Variants in FGF14 observed in about 807,000 individuals in gnomAD.
FGF14 encodes the protein fibroblast growth factor 14.
Under a neutral mutation model 25.5 loss-of-function variants are expected in FGF14, and 5 were observed. That is an observed-to-expected ratio of 0.20 (90% confidence interval 0.10 to 0.41). The LOEUF (loss-of-function observed/expected upper bound fraction) is 0.41, where lower values mean the gene tolerates loss of function less well. FGF14 is among the 10% of genes least tolerant of loss of function. FGF14 has a pLI of 1.00. For missense variants in FGF14, 222 were observed against 320.1 expected (o/e 0.69, Z 2.34); for synonymous variants, 138 against 118.3 (o/e 1.17, Z -1.08).
chr13:101,944,718 A>T (rs2035694620), intron 1 of FGF14, among the ~76,000 whole-genome samples: 1 of 152,212 alleles, frequency 6.6e-6, no homozygotes, highest in South Asian at 2.1e-4. Context: ...AAAGAAAGGA[A>T]ATTCTGACTC....
At chr13:101,910,043 G>T (rs11841336) in intron 1 of FGF14, among the ~76,000 whole-genome samples, 3,092 of 151,770 alleles carry the variant, frequency 0.02, 120 homozygotes, top group African/African-American at 0.07. Context: ...AATTGAACAA[G>T]GAGAACACAT....
At chr13:102,115,288 C>G (rs896329552) in intron 1 of FGF14, among the ~76,000 whole-genome samples, 3 of 152,190 alleles carry the variant, frequency 2.0e-5, no homozygotes, top group Admixed American at 6.5e-5. Flanking sequence ...TCCCCACCCT[C>G]TCTGTGCTTA....
At chr13:102,217,952 T>TA (rs1005997635) in intron 1 of FGF14, among the ~76,000 whole-genome samples, 6 of 151,948 alleles carry the variant, frequency 3.9e-5, no homozygotes, top group South Asian at 2.1e-4. Flanking sequence ...TATTGCACAG[T>TA]AAAAAAAATA....
At chr13:101,923,264 T>G (rs1456219945) in intron 1 of FGF14, among the ~76,000 whole-genome samples, 1 of 152,076 alleles carries the variant, frequency 6.6e-6, no homozygotes, top group East Asian at 1.9e-4. Context: ...TCTCCAAAAT[T>G]AAAGATAAAA....
chr13:101,975,618 CA>C (rs5806262), intron 1 of FGF14, among the ~76,000 whole-genome samples: 51,874 of 151,808 alleles, frequency 0.34, 9,422 homozygotes, highest in East Asian at 0.71. Flanking sequence ...TGAGTTACAT[CA>C]AAAATATTTG....
At chr13:102,377,134 TAGTC>T (rs1372999809) in intron 1 of FGF14, among the ~76,000 whole-genome samples, 1 of 151,704 alleles carries the variant, frequency 6.6e-6, no homozygotes, top group African/African-American at 2.4e-5. Context: ...GAGCACAAAG[TAGTC>T]AGGTAGGAAT....
At chr13:102,135,889 C>CA (rs1468452507) in intron 1 of FGF14, among the ~76,000 whole-genome samples, 1 of 152,136 alleles carries the variant, frequency 6.6e-6, no homozygotes, top group African/African-American at 2.4e-5. Flanking sequence ...ATCCTGACCT[C>CA]AAGTGATCTA....
At chr13:102,053,086 T>C (rs77657652) in intron 1 of FGF14, among the ~76,000 whole-genome samples, 2,741 of 151,798 alleles carry the variant, frequency 0.018, 43 homozygotes, top group Non-Finnish European at 0.027. Flanking sequence ...GTAAGGAATC[T>C]TGGCAAAACA....
intron 1 of FGF14, among the ~76,000 whole-genome samples, chr13:101,908,887 A>T (rs1281211714): frequency 6.6e-6 from 1 of 152,220 alleles, no homozygotes; most frequent in Admixed American, 6.5e-5. Flanking sequence ...TGGTACCAAA[A>T]CAGAGATATA....
intron 1 of FGF14, among the ~76,000 whole-genome samples, chr13:102,137,479 T>C (rs1443389295): frequency 6.6e-6 from 1 of 152,156 alleles, no homozygotes; most frequent in African/African-American, 2.4e-5. Context: ...GTGTCCCAAA[T>C]AAGTCTGGAC....
intron 1 of FGF14, among the ~76,000 whole-genome samples, chr13:102,083,730 C>G (rs1368908523): frequency 6.6e-6 from 1 of 152,198 alleles, no homozygotes; most frequent in Non-Finnish European, 1.5e-5. Context: ...TAAAACTAAA[C>G]TGTAAGCCAA....
intron 1 of FGF14, among the ~76,000 whole-genome samples, chr13:102,165,657 G>T (rs2140635419): frequency 1.9e-4 from 2 of 10,550 alleles, no homozygotes; most frequent in Admixed American, 2.5e-3. Flanking sequence ...ACATACTGGG[G>T]CCTGTTGTGG....
chr13:101,848,647 G>A (rs1237533556), intron 3 of FGF14, among the ~76,000 whole-genome samples: 2 of 151,858 alleles, frequency 1.3e-5, no homozygotes, highest in Non-Finnish European at 2.9e-5. Flanking sequence ...ACTCTGGGCT[G>A]GAATAATAGT....
intron 3 of FGF14, among the ~76,000 whole-genome samples, chr13:101,838,141 A>G (rs2043015072): frequency 2.0e-5 from 3 of 152,054 alleles, no homozygotes; most frequent in Middle Eastern, 6.8e-3. Flanking sequence ...ATATTGCTTA[A>G]TATTTCTAAA....
intron 1 of FGF14, among the ~76,000 whole-genome samples, chr13:102,203,066 G>A (rs1311589879): frequency 6.6e-6 from 1 of 152,144 alleles, no homozygotes. Context: ...TATTCCAGCA[G>A]CATTATGAAG....
intron 4 of FGF14, among the ~76,000 whole-genome samples, chr13:101,725,827 A>T (rs2035381670): frequency 1.3e-5 from 2 of 152,082 alleles, no homozygotes. Context: ...TAATTCTCAA[A>T]TGTTACATAG....
chr13:101,775,606 T>TAA (rs1388627025), intron 3 of FGF14, among the ~76,000 whole-genome samples: 3 of 152,076 alleles, frequency 2.0e-5, no homozygotes, highest in Admixed American at 6.6e-5. Context: ...GAGATGCACT[T>TAA]AGAGTTATTT....
intron 1 of FGF14, among the ~76,000 whole-genome samples, chr13:101,890,240 G>T (rs564940677): frequency 2.0e-5 from 3 of 152,228 alleles, no homozygotes; most frequent in Admixed American, 1.3e-4. Context: ...TGCTGAGGAG[G>T]TTTGGGTGCT....
intron 3 of FGF14, among the ~76,000 whole-genome samples, chr13:101,792,045 T>C (rs1321407361): frequency 6.6e-6 from 1 of 152,134 alleles, no homozygotes; most frequent in East Asian, 1.9e-4. Flanking sequence ...AGAAAATATA[T>C]GTAAATCTAA....
Sources: allele counts gnomAD v4.1 joint callset (sites outside exome capture counted in the v4.1 genomes callset), GRCh38; gene constraint gnomAD v4.1.1; transcripts MANE v1.5; gene names NCBI Gene and HGNC (gene_info 2026-07-23, HGNC 2026-07-21).